Variants in MAGI2 observed in about 807,000 individuals in gnomAD.
The protein encoded by MAGI2 is membrane associated guanylate kinase, WW and PDZ domain containing 2.
A neutral mutation model predicts 133.3 loss-of-function variants in MAGI2; 35 were observed. The observed-to-expected ratio is 0.26, with a 90% CI of 0.20 to 0.35. The LOEUF (loss-of-function observed/expected upper bound fraction) is 0.35, where lower values mean the gene tolerates loss of function less well. Among genes scored for constraint, MAGI2 ranks in the 10% least tolerant of loss-of-function variants. MAGI2 has a pLI of 1.00. For missense variants in MAGI2, 1,636 were observed against 1,863.4 expected (o/e 0.88, Z 2.25); for synonymous variants, 729 against 710.6 (o/e 1.03, Z -0.41).
chr7:78,457,989 A>C (rs1789497928), intron 6 of MAGI2, among the ~76,000 whole-genome samples: 2 of 152,142 alleles, frequency 1.3e-5, no homozygotes, highest in Non-Finnish European at 2.9e-5. Context: ...TATAGTCTAC[A>C]CATAGTTTAA....
intron 9 of MAGI2, among the ~76,000 whole-genome samples, chr7:78,276,191 A>T (rs1347111517): frequency 6.6e-6 from 1 of 152,234 alleles, no homozygotes; most frequent in East Asian, 1.9e-4. Flanking sequence ...TCTTTCAATA[A>T]TTCCTTCAGC....
chr7:79,414,637 A>C (rs1368364004), intron 1 of MAGI2: 1 of 152,162 alleles, frequency 6.6e-6, no homozygotes, highest in Non-Finnish European at 1.5e-5. Flanking sequence ...ATCATTAAGT[A>C]AGTACAAAAA....
intron 2 of MAGI2, among the ~76,000 whole-genome samples, chr7:78,883,766 A>G (rs963117192): frequency 1.3e-5 from 2 of 152,208 alleles, no homozygotes; most frequent in East Asian, 3.8e-4. Context: ...AGGACTCCCT[A>G]TTTAATAACT....
chr7:78,071,521 A>G (rs1814701614), intron 21 of MAGI2, among the ~76,000 whole-genome samples: 1 of 152,108 alleles, frequency 6.6e-6, no homozygotes, highest in African/African-American at 2.4e-5. Flanking sequence ...TGGACTACAG[A>G]GCCAGACCCT....
At chr7:78,035,849 T>C (rs1810162117) in intron 21 of MAGI2, among the ~76,000 whole-genome samples, 1 of 152,196 alleles carries the variant, frequency 6.6e-6, no homozygotes, top group African/African-American at 2.4e-5. Context: ...TTAAATGATT[T>C]ATTCCTTGAA....
intron 1 of MAGI2, among the ~76,000 whole-genome samples, chr7:79,296,557 ATTATG>A (rs1408537111): frequency 6.6e-6 from 1 of 152,236 alleles, no homozygotes; most frequent in Non-Finnish European, 1.5e-5. Flanking sequence ...CCTGGAGGAC[ATTATG>A]TTAAGTAAAA....
intron 1 of MAGI2, among the ~76,000 whole-genome samples, chr7:79,338,789 G>A (rs563786804): frequency 6.6e-6 from 1 of 152,110 alleles, no homozygotes; most frequent in African/African-American, 2.4e-5. Context: ...ACCAATGTCA[G>A]TGATGGGAGA....
chr7:78,943,069 A>G (rs1801117468), intron 2 of MAGI2, among the ~76,000 whole-genome samples: 1 of 152,044 alleles, frequency 6.6e-6, no homozygotes, highest in Admixed American at 6.6e-5. Flanking sequence ...CTATTTTACC[A>G]CCCTGGGTCT....
intron 14 of MAGI2, among the ~76,000 whole-genome samples, chr7:78,177,445 C>G (rs200465022): frequency 1.4e-5 from 2 of 144,644 alleles, no homozygotes; most frequent in South Asian, 2.2e-4. Context: ...CACACACACA[C>G]AGACACACAC....
intron 12 of MAGI2, among the ~76,000 whole-genome samples, chr7:78,193,843 AC>A (rs1828466685): frequency 6.6e-6 from 1 of 152,126 alleles, no homozygotes; most frequent in Non-Finnish European, 1.5e-5. Context: ...CTATTTTTCA[AC>A]CAAAATTAGT....
At chr7:79,142,577 T>C (rs1355707790) in intron 1 of MAGI2, among the ~76,000 whole-genome samples, 1 of 152,182 alleles carries the variant, frequency 6.6e-6, no homozygotes, top group Non-Finnish European at 1.5e-5. Context: ...TGTGTGTGCA[T>C]GTGGATGTGT....
At chr7:78,114,662 G>A (rs936765177) in intron 20 of MAGI2, among the ~76,000 whole-genome samples, 1 of 152,180 alleles carries the variant, frequency 6.6e-6, no homozygotes, top group Non-Finnish European at 1.5e-5. Context: ...CAGGGTGGAG[G>A]GGACCATGCT....
intron 2 of MAGI2, among the ~76,000 whole-genome samples, chr7:78,963,371 A>G (rs760171964): frequency 2.6e-5 from 4 of 152,152 alleles, no homozygotes; most frequent in Non-Finnish European, 4.4e-5. Flanking sequence ...CAATTGGAGT[A>G]GTATTGTCTT....
intron 1 of MAGI2, among the ~76,000 whole-genome samples, chr7:79,097,142 T>A (rs1279873764): frequency 6.6e-6 from 1 of 152,226 alleles, no homozygotes; most frequent in Non-Finnish European, 1.5e-5. Flanking sequence ...CTGTTTTCTA[T>A]GAATTGATTC....
At chr7:78,278,364 C>T (rs1795246257) in intron 9 of MAGI2, among the ~76,000 whole-genome samples, 1 of 152,056 alleles carries the variant, frequency 6.6e-6, no homozygotes, top group Admixed American at 6.6e-5. Flanking sequence ...AGCAAAAACT[C>T]ATAATTTAAG....
intron 6 of MAGI2, among the ~76,000 whole-genome samples, chr7:78,429,290 A>T (rs1799569790): frequency 6.6e-6 from 1 of 151,928 alleles, no homozygotes; most frequent in South Asian, 2.1e-4. Context: ...CTTTGGTGCT[A>T]TGCTTGACAG....
chr7:79,250,292 A>C (rs541270764), intron 1 of MAGI2, among the ~76,000 whole-genome samples: 1 of 151,408 alleles, frequency 6.6e-6, no homozygotes, highest in South Asian at 2.1e-4. Context: ...AGTCATATCT[A>C]GACCTTTGTT....
intron 2 of MAGI2, among the ~76,000 whole-genome samples, chr7:78,737,618 GAT>G (rs1369881424): frequency 3.9e-5 from 6 of 152,156 alleles, no homozygotes; most frequent in African/African-American, 1.4e-4. Context: ...TGTAGAAAGA[GAT>G]ATGAGAATCC....
At chr7:78,306,980 G>A (rs1174126347) in intron 9 of MAGI2, among the ~76,000 whole-genome samples, 1 of 152,048 alleles carries the variant, frequency 6.6e-6, no homozygotes, top group Admixed American at 6.6e-5. Flanking sequence ...AACCATCATT[G>A]CCATTATTTC....
Sources: gnomAD v4.1 joint callset for allele counts (sites outside exome capture counted in the v4.1 genomes callset) on GRCh38, gnomAD v4.1.1 for gene constraint, MANE v1.5 for transcripts, NCBI Gene and HGNC (gene_info 2026-07-23, HGNC 2026-07-21) for gene names.